The following WDPCP variants were observed in gnomAD, a reference collection of about 807,000 sequenced individuals.
WDPCP encodes the protein WD repeat containing planar cell polarity effector.
Under a neutral mutation model 93.1 loss-of-function variants are expected in WDPCP, and 71 were observed. The observed-to-expected ratio is 0.76, with a 90% CI of 0.63 to 0.93. The LOEUF (loss-of-function observed/expected upper bound fraction) is 0.93, where lower values mean the gene tolerates loss of function less well. Among genes scored for constraint, WDPCP ranks in the 40% least tolerant of loss-of-function variants. WDPCP has a pLI of 0.00. For missense variants in WDPCP, 844 were observed against 887.4 expected (o/e 0.95, Z 0.62); for synonymous variants, 315 against 315.0 (o/e 1.00, Z 0.00).
At chr2:63,744,218 A>G (rs1157862060) in intron 2 of WDPCP, among the ~76,000 whole-genome samples, 2 of 152,110 alleles carry the variant, frequency 1.3e-5, no homozygotes, top group African/African-American at 4.8e-5. Flanking sequence ...TTACAGCTTC[A>G]GTTTAAGGAA....
At chr2:63,683,515 G>T (rs983623187) in intron 2 of WDPCP, among the ~76,000 whole-genome samples, 6 of 151,822 alleles carry the variant, frequency 4.0e-5, no homozygotes, top group African/African-American at 2.4e-5. Context: ...ATCATAATAT[G>T]ATATTTATAT....
At chr2:63,128,379 T>C (rs1670062954) in intron 17 of WDPCP, among the ~76,000 whole-genome samples, 1 of 152,168 alleles carries the variant, frequency 6.6e-6, no homozygotes, top group African/African-American at 2.4e-5. Context: ...TCCTTCCGTT[T>C]CTGTCTTTAC....
At chr2:63,683,376 T>C (rs996243930) in intron 2 of WDPCP, among the ~76,000 whole-genome samples, 4 of 151,994 alleles carry the variant, frequency 2.6e-5, no homozygotes, top group African/African-American at 9.7e-5. Context: ...AAGATGCACA[T>C]AGACTGAAAA....
chr2:63,283,496 A>G (rs559683599), intron 13 of WDPCP, among the ~76,000 whole-genome samples: 21 of 152,372 alleles, frequency 1.4e-4, no homozygotes, highest in African/African-American at 4.1e-4. Flanking sequence ...ATTAGAACGT[A>G]GCCATACTTA....
intron 13 of WDPCP, among the ~76,000 whole-genome samples, chr2:63,292,001 C>T (rs1320798517): frequency 1.3e-5 from 2 of 150,808 alleles, no homozygotes; most frequent in African/African-American, 4.9e-5. Flanking sequence ...GGCGCGGTGG[C>T]GGGCGCCTGT....
chr2:63,750,705 G>A (rs1488202003), intron 2 of WDPCP, among the ~76,000 whole-genome samples: 1 of 152,006 alleles, frequency 6.6e-6, no homozygotes, highest in Non-Finnish European at 1.5e-5. Flanking sequence ...GATGGATTTT[G>A]AAAAATGTTA....
At chr2:63,588,641 C>T (rs1382370236), upstream of WDPCP, 1 of 490,080 alleles carries the variant, frequency 2.0e-6, no homozygotes, top group Non-Finnish European at 3.7e-6. Context: ...AGGGGTGATT[C>T]TCCCCTCCCT....
intron 6 of WDPCP, among the ~76,000 whole-genome samples, chr2:63,465,134 ATTATTTAT>A (rs912139828): frequency 1.1e-4 from 17 of 151,672 alleles, no homozygotes; most frequent in South Asian, 2.1e-4. Flanking sequence ...AAATTTATTT[ATTATTTAT>A]TTATTTATTT....
intron 12 of WDPCP, among the ~76,000 whole-genome samples, chr2:63,376,748 TATG>T (rs1691885034): frequency 1.3e-5 from 2 of 151,910 alleles, no homozygotes; most frequent in South Asian, 4.2e-4. Flanking sequence ...GCCTCATTTA[TATG>T]AAGAGTCCTG....
chr2:63,337,839 A>T (rs184949894), intron 12 of WDPCP, among the ~76,000 whole-genome samples: 5 of 152,316 alleles, frequency 3.3e-5, no homozygotes, highest in Admixed American at 2.6e-4. Context: ...CCCATTTAAA[A>T]AAAATAGGAT....
rs534118919 is a variant in WDPCP at position 63,796,589 on chromosome 2, A to T, written n.308+17033T>A. Among the ~76,000 whole-genome samples, 97 of 152,346 alleles carry T rather than the reference A, an allele frequency of 6.4e-4. 1 individual carries two copies. Among genetic ancestry groups the T allele is most frequent in the African/African-American group, 2.3e-3 (94 of 41,576 alleles). On this transcript the variant is annotated intron_variant and non_coding_transcript_variant, in intron 2 of 4. Coordinates refer to the WDPCP transcript ENST00000467687. ...GCCACAGTGACTGTGAAACATTGCA[A>T]TGGAACTCAGTGCTGCCCTGTCATA...
intron 2 of WDPCP, among the ~76,000 whole-genome samples, chr2:63,726,730 G>A (rs1450017268): frequency 6.6e-6 from 1 of 152,054 alleles, no homozygotes; most frequent in Admixed American, 6.5e-5. Context: ...GCAGTGTTTT[G>A]TAATTCTCAT....
At position 63,120,282 on chromosome 2, in the gene WDPCP, T is replaced by C. The variant is rs13432479; in HGVS notation, c.*1724A>G. Among the ~76,000 whole-genome samples the C allele has an allele frequency of 2.6e-5, 4 of 152,132 alleles. No homozygotes were observed. The highest frequency in any genetic ancestry group is 5.9e-5 in the Non-Finnish European group (4 of 68,026). ...ATGAAAATTTGCTGGTAACTCAGTT[T>C]GGCTTACATGTTATGCATTATTAAA... On this transcript the variant is annotated 3_prime_UTR_variant, in exon 18 of 18. Transcript: ENST00000272321.
At chr2:63,272,967 C>G (rs1384364139) in intron 13 of WDPCP, among the ~76,000 whole-genome samples, 1 of 151,964 alleles carries the variant, frequency 6.6e-6, no homozygotes, top group Non-Finnish European at 1.5e-5. Flanking sequence ...TGTTAAGAGT[C>G]AAAGAAAGAC....
intron 6 of WDPCP, among the ~76,000 whole-genome samples, chr2:63,454,879 T>C (rs1698518028): frequency 6.6e-6 from 1 of 152,120 alleles, no homozygotes. Context: ...AGAAACCTTA[T>C]GGGCCAGGAG....
chr2:63,516,389 C>T (rs944614275), intron 1 of WDPCP, among the ~76,000 whole-genome samples: 5 of 152,120 alleles, frequency 3.3e-5, no homozygotes, highest in African/African-American at 4.8e-5. Flanking sequence ...TTATTAAACA[C>T]TAGTCTTATT....
chr2:63,122,160 A>G (rs1482269037), intron 17 of WDPCP, 104 bp from the exon 18 acceptor site: 2 of 957,378 alleles, frequency 2.1e-6, no homozygotes, highest in African/African-American at 1.7e-5. Flanking sequence ...GTGAAACAAA[A>G]TAAAATAGTT....
chr2:63,817,381 T>G (rs1670952812), intron 1 of WDPCP, among the ~76,000 whole-genome samples: 1 of 152,184 alleles, frequency 6.6e-6, no homozygotes, highest in Non-Finnish European at 1.5e-5. Context: ...GTGCTGAGAT[T>G]ACAGGAGTGA....
chr2:63,372,321 A>T (rs1208391185), intron 12 of WDPCP, among the ~76,000 whole-genome samples: 2 of 152,044 alleles, frequency 1.3e-5, no homozygotes, highest in African/African-American at 4.8e-5. Flanking sequence ...CACCTCCAAC[A>T]CTGGGGATTA....
Sources: gnomAD v4.1 joint callset for allele counts (sites outside exome capture counted in the v4.1 genomes callset) on GRCh38, gnomAD v4.1.1 for gene constraint, MANE v1.5 for transcripts, NCBI Gene and HGNC (gene_info 2026-07-23, HGNC 2026-07-21) for gene names.